NAV2: variants seen among roughly 807,000 people sequenced by gnomAD.
NAV2 encodes helicase, APC down-regulated 1.
NAV2 carries 54 observed loss-of-function variants against 223.2 expected under a neutral mutation model. The observed-to-expected ratio is 0.24, with a 90% confidence interval of 0.19 to 0.30. The LOEUF is 0.30. Among genes scored for constraint, NAV2 ranks in the 10% least tolerant of loss-of-function variants. The pLI, the probability that NAV2 is intolerant of heterozygous loss-of-function variation, is 1.00. For missense variants in NAV2, 2,806 were observed against 3,147.5 expected, an observed-to-expected ratio of 0.89 and a Z score of 2.60; for synonymous variants, 1,279 against 1,239.3, an observed-to-expected ratio of 1.03 and a Z score of -0.67.
rs375570065 is a variant in NAV2, at chr11:19,759,024, A to T, written c.267+45062A>T. On this transcript the variant is annotated intron_variant, in intron 1 of 37. Coordinates refer to ENST00000349880, the MANE Select transcript of NAV2 (RefSeq NM_145117.5). ...ATCCCCACCACCAACTTCTGTCTTG[A>T]GAGAAAGAAGGTGCTTCTGTGCAAT... 7.3e-5 allele frequency among the ~76,000 whole-genome samples: 11 copies of T among 151,002 alleles called. No homozygotes were observed. In the East Asian group the frequency reaches 9.8e-4, roughly 13 times the overall value.
intron 2 of NAV2, among the ~76,000 whole-genome samples, chr11:19,833,362 TG>T (rs2060055956): frequency 6.6e-6 from 1 of 152,216 alleles, no homozygotes; most frequent in Admixed American, 6.5e-5. Flanking sequence ...GTGGAAAAGT[TG>T]CTTACCCTTC....
chr11:19,982,521 C>G (rs2050394277), intron 10 of NAV2, among the ~76,000 whole-genome samples: 1 of 152,128 alleles, frequency 6.6e-6, no homozygotes, highest in Non-Finnish European at 1.5e-5. Flanking sequence ...TGAGTGAAAA[C>G]TTCAGTCTCT....
At position 20,026,824 on chromosome 11, in the gene NAV2, A is replaced by G. The variant is rs564385566; in HGVS notation, c.2769-9135A>G. Among the ~76,000 whole-genome samples the G allele has an allele frequency of 3.0e-4, 45 of 152,302 alleles. No homozygotes were observed. In the South Asian group the frequency reaches 9.3e-3, roughly 32 times the overall value. On this transcript the variant is annotated intron_variant, in intron 11 of 37. Coordinates refer to ENST00000349880, the MANE Select transcript of NAV2 (RefSeq NM_145117.5). ...CCGTGGGACTATTTCTCCAATCCTC[A>G]ATTGCCTCATCTGTAAAATGGGTAT...
At chr11:19,409,119 T>C (rs1266946049) in intron 1 of NAV2, among the ~76,000 whole-genome samples, 1 of 152,200 alleles carries the variant, frequency 6.6e-6, no homozygotes, top group Admixed American at 6.5e-5. Context: ...TTTGGGAACA[T>C]CAGCTTCCCT....
intron 1 of NAV2, among the ~76,000 whole-genome samples, chr11:19,546,202 G>T (rs2044493955): frequency 6.6e-6 from 1 of 152,232 alleles, no homozygotes; most frequent in African/African-American, 2.4e-5. Context: ...CCCCATGAGG[G>T]CTTGATGTGG....
chr11:19,685,079 A>G (rs1300724261), intron 1 of NAV2, among the ~76,000 whole-genome samples: 1 of 152,166 alleles, frequency 6.6e-6, no homozygotes, highest in Non-Finnish European at 1.5e-5. Flanking sequence ...AAATGCTGAC[A>G]TCAGTCCTGA....
chr11:19,524,582 C>A (rs1290777477), intron 1 of NAV2, among the ~76,000 whole-genome samples: 1 of 152,176 alleles, frequency 6.6e-6, no homozygotes, highest in African/African-American at 2.4e-5. Flanking sequence ...GCTCCCAGGG[C>A]TGCCGGCTAT....
At chr11:19,865,641 G>C (rs765810405) in intron 3 of NAV2, among the ~76,000 whole-genome samples, 1 of 152,234 alleles carries the variant, frequency 6.6e-6, no homozygotes, top group Non-Finnish European at 1.5e-5. Context: ...TCTGTGAACA[G>C]AGAAATCATA....
chr11:19,798,888 A>G (rs996201734), intron 1 of NAV2, among the ~76,000 whole-genome samples: 2 of 152,214 alleles, frequency 1.3e-5, no homozygotes, highest in Non-Finnish European at 2.9e-5. Flanking sequence ...TCTTGGAAAC[A>G]AAATCCCTAA....
chr11:19,588,595 C>G (rs185774137), intron 1 of NAV2, among the ~76,000 whole-genome samples: 82 of 152,248 alleles, frequency 5.4e-4, no homozygotes, highest in Non-Finnish European at 9.7e-4. Flanking sequence ...GAGGTTCAAA[C>G]AGAAGAAGTG....
At chr11:19,641,797 GC>G (rs1402600744) in intron 1 of NAV2, among the ~76,000 whole-genome samples, 1 of 151,874 alleles carries the variant, frequency 6.6e-6, no homozygotes, top group African/African-American at 2.4e-5. Context: ...CATCAACACA[GC>G]CTCTATTGCT....
chr11:19,465,813 G>T (rs1852329665), intron 1 of NAV2, among the ~76,000 whole-genome samples: 1 of 152,200 alleles, frequency 6.6e-6, no homozygotes, highest in Non-Finnish European at 1.5e-5. Flanking sequence ...AGTAGCGGAG[G>T]CACAGTTCAA....
At chr11:19,717,828 A>AG (rs2152341837) in intron 1 of NAV2, among the ~76,000 whole-genome samples, 1 of 152,328 alleles carries the variant, frequency 6.6e-6, no homozygotes, top group South Asian at 2.1e-4. Context: ...TGGTAGTTAC[A>AG]GGGGAAAGGA....
rs766277570 is a variant in NAV2 at position 19,771,143 on chromosome 11, A to G, written c.267+57181A>G. On this transcript the variant is annotated intron_variant, in intron 1 of 37. Transcript: ENST00000349880. ...TAATTATACCAATGATAAGCCCAGTACTATTCTGAGTACACAAAGATGAAT... is the reference window on the plus strand; with the variant it reads ...TAATTATACCAATGATAAGCCCAGTGCTATTCTGAGTACACAAAGATGAAT... Among the ~76,000 whole-genome samples, 11 of 152,314 alleles carry G rather than the reference A, an allele frequency of 7.2e-5. No individual in the cohort carries two copies. In the South Asian group the frequency reaches 1.5e-3, roughly 20 times the overall value.
intron 3 of NAV2, among the ~76,000 whole-genome samples, chr11:19,860,101 T>G (rs2061643173): frequency 1.7e-5 from 2 of 118,212 alleles, no homozygotes; most frequent in African/African-American, 3.3e-5. Flanking sequence ...GGCTCCTCAC[T>G]TCCCAGTAGG....
At chr11:19,636,964 A>G (rs924480043) in intron 1 of NAV2, among the ~76,000 whole-genome samples, 1 of 152,206 alleles carries the variant, frequency 6.6e-6, no homozygotes, top group Admixed American at 6.5e-5. Flanking sequence ...AAAATATTCA[A>G]ATGGGCCAGA....
intron 11 of NAV2, among the ~76,000 whole-genome samples, chr11:19,987,554 C>T (rs115367625): frequency 2.0e-3 from 301 of 152,334 alleles, no homozygotes; most frequent in African/African-American, 6.6e-3. Context: ...CCTTAAGGGA[C>T]GCTGGCCTAC....
At chr11:19,506,786 A>C (rs1564996106) in intron 1 of NAV2, 1 of 152,300 alleles carries the variant, frequency 6.6e-6, no homozygotes, top group African/African-American at 2.4e-5. Flanking sequence ...AAGGAGCTTC[A>C]TAGTATCTGT....
chr11:19,441,364 T>G (rs1284990750), intron 1 of NAV2, among the ~76,000 whole-genome samples: 1 of 152,136 alleles, frequency 6.6e-6, no homozygotes, highest in African/African-American at 2.4e-5. Flanking sequence ...ATGAGAGATA[T>G]GTGATCAAAT....
Sources: allele counts gnomAD v4.1 joint callset (sites outside exome capture counted in the v4.1 genomes callset), GRCh38; gene constraint gnomAD v4.1.1; transcripts MANE v1.5; gene names NCBI Gene and HGNC (gene_info 2026-07-23, HGNC 2026-07-21).